The following RBFOX1 variants were observed in gnomAD, a reference collection of about 807,000 sequenced individuals.
The protein encoded by RBFOX1 is RNA binding protein fox-1 homolog 1.
A neutral mutation model predicts 57.7 loss-of-function variants in RBFOX1; 8 were observed. The ratio of observed to expected loss-of-function variants is 0.14; its 90% CI spans 0.08 to 0.25. RBFOX1 has a LOEUF of 0.25. Among genes scored for constraint, RBFOX1 ranks in the 10% least tolerant of loss-of-function variants. RBFOX1 has a pLI of 1.00. For synonymous variants in RBFOX1, 326 were observed against 222.4 expected, an observed-to-expected ratio of 1.47 and a Z score of -4.15; for missense variants, 611 against 548.5, an observed-to-expected ratio of 1.11 and a Z score of -1.14.
chr16:5,303,366 C>T (rs1259853783), intron 1 of RBFOX1, among the ~76,000 whole-genome samples: 1 of 152,220 alleles, frequency 6.6e-6, no homozygotes, highest in Non-Finnish European at 1.5e-5. Context: ...CCTCCATCTG[C>T]AGTAAATGCT....
chr16:5,771,356 C>T (rs1262229351), intron 3 of RBFOX1, among the ~76,000 whole-genome samples: 2 of 152,174 alleles, frequency 1.3e-5, no homozygotes, highest in South Asian at 2.1e-4. Flanking sequence ...TCTAGTCAAA[C>T]CAGTAGCCAG....
At chr16:5,413,300 G>C (rs1189192067) in intron 1 of RBFOX1, among the ~76,000 whole-genome samples, 4 of 152,096 alleles carry the variant, frequency 2.6e-5, no homozygotes, top group Admixed American at 6.5e-5. Context: ...GAGCACCATG[G>C]CCCTTTTTCT....
At chr16:7,126,638 A>C (rs1042039444) in intron 4 of RBFOX1, 2 of 157,190 alleles carry the variant, frequency 1.3e-5, no homozygotes, top group African/African-American at 4.8e-5. Context: ...TTTCTTAGTC[A>C]TCTTGGAGGC....
chr16:7,428,525 TTATTATTA>T (rs1334456125), intron 4 of RBFOX1, among the ~76,000 whole-genome samples: 1 of 143,658 alleles, frequency 7.0e-6, no homozygotes, highest in Non-Finnish European at 1.5e-5. Context: ...ATTATTATTA[TTATTATTA>T]TTATTATTTG....
intron 2 of RBFOX1, among the ~76,000 whole-genome samples, chr16:6,368,311 A>G (rs1329661205): frequency 6.6e-6 from 1 of 152,224 alleles, no homozygotes; most frequent in Admixed American, 6.5e-5. Context: ...GCCTGCCCCA[A>G]ACCCCAGGAA....
intron 1 of RBFOX1, among the ~76,000 whole-genome samples, chr16:6,045,862 C>T (rs1286297834): frequency 1.3e-5 from 2 of 152,112 alleles, no homozygotes; most frequent in Non-Finnish European, 2.9e-5. Flanking sequence ...ATACACAAAA[C>T]CCCAGGGAAA....
chr16:7,337,988 C>A (rs1479654612), intron 4 of RBFOX1, among the ~76,000 whole-genome samples: 1 of 152,182 alleles, frequency 6.6e-6, no homozygotes, highest in Admixed American at 6.5e-5. Context: ...CAGCCTAGGG[C>A]TGGTGAATGT....
At chr16:7,476,312 C>G (rs193056208) in intron 4 of RBFOX1, among the ~76,000 whole-genome samples, 14 of 152,336 alleles carry the variant, frequency 9.2e-5, no homozygotes, top group East Asian at 5.8e-4. Flanking sequence ...CTCACAATTA[C>G]AAGCTGTGGC....
Position 6,090,622 on chromosome 16 carries a change from A to ATTACGTTACCATATTGATCT in RBFOX1, c.-127+70635_-127+70654dup, listed in dbSNP as rs2096157470. ...GAGTTTTGTTTCACAAGTCTAATGC[A>ATTACGTTACCATATTGATCT]TTACGTTACCATATTGATCTTTACT... is the stretch of plus-strand genomic sequence containing the variant. On this transcript the variant is annotated intron_variant, in intron 1 of 15. Transcript: ENST00000550418. Among the ~76,000 whole-genome samples, 4 of 152,342 alleles carry ATTACGTTACCATATTGATCT rather than the reference A, an allele frequency of 2.6e-5. No individual in the cohort carries two copies. The South Asian group carries it at 8.3e-4, about 32-fold the overall frequency.
At chr16:5,872,528 C>G (rs181091265) in intron 4 of RBFOX1, among the ~76,000 whole-genome samples, 1 of 151,658 alleles carries the variant, frequency 6.6e-6, no homozygotes, top group Non-Finnish European at 1.5e-5. Flanking sequence ...CCCAGGAGTT[C>G]GAGACCAGCC....
intron 4 of RBFOX1, among the ~76,000 whole-genome samples, chr16:7,259,315 C>T (rs1603451812): frequency 1.3e-5 from 2 of 152,192 alleles, no homozygotes; most frequent in African/African-American, 4.8e-5. Context: ...ACCTTCCCCT[C>T]TCAGGCACAC....
intron 3 of RBFOX1, among the ~76,000 whole-genome samples, chr16:6,764,776 A>G (rs1319832321): frequency 6.6e-6 from 1 of 152,022 alleles, no homozygotes; most frequent in Non-Finnish European, 1.5e-5. Flanking sequence ...GTCTCTACCA[A>G]AAATATAAAA....
At chr16:7,566,268 C>T (rs1023442741) in intron 5 of RBFOX1, among the ~76,000 whole-genome samples, 1 of 152,132 alleles carries the variant, frequency 6.6e-6, no homozygotes, top group Non-Finnish European at 1.5e-5. Flanking sequence ...CTTTTGATTG[C>T]TTTTTAATTG....
At chr16:5,835,861 A>C (rs1279062969) in intron 3 of RBFOX1, among the ~76,000 whole-genome samples, 1 of 152,034 alleles carries the variant, frequency 6.6e-6, no homozygotes, top group Non-Finnish European at 1.5e-5. Flanking sequence ...CAGGCCTCCC[A>C]TCCCTCCCAG....
At chr16:7,371,184 C>T in intron 4 of RBFOX1, among the ~76,000 whole-genome samples, 1 of 152,164 alleles carries the variant, frequency 6.6e-6, no homozygotes, top group Non-Finnish European at 1.5e-5. Flanking sequence ...TCACTTGAAG[C>T]TCATAATTTA....
chr16:7,354,869 C>G (rs985121265), intron 4 of RBFOX1, among the ~76,000 whole-genome samples: 1 of 152,196 alleles, frequency 6.6e-6, no homozygotes, highest in Admixed American at 6.5e-5. Flanking sequence ...GCTAAAAGTT[C>G]TGCTGGACAG....
At chr16:5,787,707 C>T (rs1182371062) in intron 3 of RBFOX1, among the ~76,000 whole-genome samples, 1 of 152,154 alleles carries the variant, frequency 6.6e-6, no homozygotes, top group Non-Finnish European at 1.5e-5. Flanking sequence ...AAGGCGAGCC[C>T]AGGAGAGGGT....
intron 4 of RBFOX1, among the ~76,000 whole-genome samples, chr16:7,513,104 A>C (rs964860870): frequency 6.6e-6 from 1 of 152,086 alleles, no homozygotes; most frequent in Non-Finnish European, 1.5e-5. Context: ...TCTACTAAAA[A>C]TACAAAAAAT....
At chr16:7,282,676 A>G (rs2095569497) in intron 4 of RBFOX1, among the ~76,000 whole-genome samples, 1 of 152,084 alleles carries the variant, frequency 6.6e-6, no homozygotes, top group Non-Finnish European at 1.5e-5. Context: ...GGGTGCACCC[A>G]TCACCTGAGC....
Sources: allele counts gnomAD v4.1 joint callset (sites outside exome capture counted in the v4.1 genomes callset), GRCh38; gene constraint gnomAD v4.1.1; transcripts MANE v1.5; gene names NCBI Gene and HGNC (gene_info 2026-07-23, HGNC 2026-07-21).